Variants in FER observed in about 807,000 individuals in gnomAD.
FER encodes the protein tyrosine-protein kinase Fer.
Under a neutral mutation model 111.0 loss-of-function variants are expected in FER, and 63 were observed. The observed-to-expected ratio is 0.57, with a 90% confidence interval of 0.46 to 0.70. The LOEUF (loss-of-function observed/expected upper bound fraction) is 0.70, where lower values mean the gene tolerates loss of function less well. Among genes scored for constraint, FER ranks in the 30% least tolerant of loss-of-function variants. The pLI is 0.00. For missense variants in FER, 914 were observed against 954.0 expected (o/e 0.96, Z 0.55); for synonymous variants, 327 against 313.9 (o/e 1.04, Z -0.44).
At chr5:108,805,322 A>G (rs1266032744) in intron 3 of FER, among the ~76,000 whole-genome samples, 1 of 152,156 alleles carries the variant, frequency 6.6e-6, no homozygotes, top group East Asian at 1.9e-4. Context: ...GCCATGTGGA[A>G]CTGTAAGTTC....
chr5:108,827,062 G>T (rs1016812392), intron 3 of FER, among the ~76,000 whole-genome samples: 2 of 152,096 alleles, frequency 1.3e-5, no homozygotes, highest in African/African-American at 2.4e-5. Flanking sequence ...TTTATTAGAG[G>T]TATGTTATTC....
chr5:108,857,111 T>G (rs996417270), intron 5 of FER, among the ~76,000 whole-genome samples: 1 of 152,134 alleles, frequency 6.6e-6, no homozygotes, highest in Non-Finnish European at 1.5e-5. Context: ...TTTTACCACA[T>G]TTGCTTTATG....
intron 3 of FER, among the ~76,000 whole-genome samples, chr5:108,821,900 TAATA>T (rs1758886664): frequency 6.6e-6 from 1 of 152,142 alleles, no homozygotes; most frequent in Non-Finnish European, 1.5e-5. Flanking sequence ...TCAAAGTGTA[TAATA>T]AATTATTATT....
intron 10 of FER, among the ~76,000 whole-genome samples, chr5:108,898,399 TTTC>T (rs1307355201): frequency 3.3e-5 from 5 of 152,060 alleles, no homozygotes; most frequent in Non-Finnish European, 7.4e-5. Context: ...GTATAAAGTC[TTTC>T]TTCTTCTCTC....
chr5:109,030,500 G>T (rs1769446165), intron 13 of FER, among the ~76,000 whole-genome samples: 2 of 152,274 alleles, frequency 1.3e-5, no homozygotes, highest in South Asian at 4.1e-4. Flanking sequence ...GCTTTAAATG[G>T]TTTCAATGAC....
chr5:108,897,850 T>C lies in FER; in HGVS notation c.1236+2T>C, dbSNP rs1482162803. The C allele has an allele frequency of 1.9e-6, 3 of 1,603,974 alleles. No homozygotes were observed. The highest frequency in any genetic ancestry group is 2.6e-6 in the Non-Finnish European group (3 of 1,176,030). On this transcript the variant is annotated splice_donor_variant, in intron 10 of 19. Coordinates refer to ENST00000281092, the MANE Select transcript of FER (RefSeq NM_005246.4). LOFTEE classifies it high-confidence loss of function. ...GATGCACGATCAGTTACATCTATGGTAAGCTAAAGAATAATCCAATGAGAA... is the reference window on the plus strand; with the variant it reads ...GATGCACGATCAGTTACATCTATGGCAAGCTAAAGAATAATCCAATGAGAA...
At chr5:108,845,067 TAC>T (rs61156019) in intron 5 of FER, among the ~76,000 whole-genome samples, 788 of 53,646 alleles carry the variant, frequency 0.015, 12 homozygotes, top group Non-Finnish European at 0.021. Flanking sequence ...TATATATATA[TAC>T]ACACACACAC....
Position 109,036,982 on chromosome 5 carries a change from G to A in FER, c.1657-440G>A, listed in dbSNP as rs192889495. Among the ~76,000 whole-genome samples, 815 of 152,128 alleles carry A rather than the reference G, an allele frequency of 5.4e-3. 8 individuals carry two copies. Among genetic ancestry groups the A allele is most frequent in the African/African-American group, 0.018 (754 of 41,540 alleles). ...GCTATAACTCATGGCCCATTTATAT[G>A]TGGAAAAATTAGCTCTTAGTAATAT... is the stretch of plus-strand genomic sequence containing the variant. On this transcript the variant is annotated intron_variant, in intron 13 of 19. Coordinates refer to ENST00000281092, the MANE Select transcript of FER (RefSeq NM_005246.4).
chr5:109,116,053 C>T (rs1036588337), intron 17 of FER, among the ~76,000 whole-genome samples: 3 of 151,912 alleles, frequency 2.0e-5, no homozygotes, highest in African/African-American at 7.3e-5. Context: ...ATTAAAGTGG[C>T]TTGAATTGGG....
chr5:109,186,644 ACCT>A (rs1437141883), intron 19 of FER, among the ~76,000 whole-genome samples: 1 of 152,012 alleles, frequency 6.6e-6, no homozygotes, highest in Non-Finnish European at 1.5e-5. Flanking sequence ...TGCCAGATAA[ACCT>A]CCTTTTAAAT....
chr5:108,789,485 C>T (rs1010699193), intron 2 of FER, among the ~76,000 whole-genome samples: 1 of 151,948 alleles, frequency 6.6e-6, no homozygotes, highest in South Asian at 2.1e-4. Flanking sequence ...TCATATCTTG[C>T]CATTTCTAAG....
chr5:109,002,820 T>C (rs1345668225), intron 13 of FER, among the ~76,000 whole-genome samples: 2 of 152,150 alleles, frequency 1.3e-5, no homozygotes, highest in Admixed American at 6.5e-5. Flanking sequence ...GAACAGACAC[T>C]TCTCAAAAGA....
intron 9 of FER, among the ~76,000 whole-genome samples, chr5:108,886,939 G>A (rs1747263316): frequency 6.6e-6 from 1 of 151,574 alleles, no homozygotes; most frequent in Admixed American, 6.6e-5. Context: ...AGGGATTCCA[G>A]GGCAAATGTT....
At chr5:108,849,796 A>G (rs551519225) in intron 5 of FER, among the ~76,000 whole-genome samples, 50 of 152,312 alleles carry the variant, frequency 3.3e-4, no homozygotes, top group Middle Eastern at 3.4e-3. Flanking sequence ...TAATAAAGCT[A>G]TAAGACTTCT....
At chr5:109,025,279 A>G (rs912592799) in intron 13 of FER, among the ~76,000 whole-genome samples, 13 of 152,014 alleles carry the variant, frequency 8.6e-5, no homozygotes, top group Admixed American at 3.3e-4. Context: ...ATTTGTTTGT[A>G]TCCTCTTTTA....
At chr5:108,885,180 C>A (rs1156548599) in intron 9 of FER, among the ~76,000 whole-genome samples, 2 of 151,996 alleles carry the variant, frequency 1.3e-5, no homozygotes, top group Non-Finnish European at 2.9e-5. Context: ...GCCATGTAAC[C>A]AATTGCCTAC....
intron 9 of FER, among the ~76,000 whole-genome samples, chr5:108,894,145 A>G (rs189633381): frequency 1.1e-4 from 16 of 152,170 alleles, no homozygotes; most frequent in Admixed American, 7.9e-4. Flanking sequence ...GAAGTTTTCC[A>G]TCCTACTTTT....
At chr5:108,938,666 A>T (rs1755845707) in intron 10 of FER, among the ~76,000 whole-genome samples, 1 of 152,000 alleles carries the variant, frequency 6.6e-6, no homozygotes, top group African/African-American at 2.4e-5. Context: ...AGAGAAGAGA[A>T]GATGATTGAT....
chr5:108,824,811 C>T (rs959392095), intron 3 of FER, among the ~76,000 whole-genome samples: 5 of 151,982 alleles, frequency 3.3e-5, no homozygotes, highest in Admixed American at 1.3e-4. Flanking sequence ...GGACCTGCCC[C>T]GATAATCACG....
Sources: allele counts gnomAD v4.1 joint callset (sites outside exome capture counted in the v4.1 genomes callset), GRCh38; gene constraint gnomAD v4.1.1; transcripts MANE v1.5; gene names NCBI Gene and HGNC (gene_info 2026-07-23, HGNC 2026-07-21).